The following SLCO5A1 variants were observed in gnomAD, a reference collection of about 807,000 sequenced individuals.
SLCO5A1 encodes solute carrier organic anion transporter family member 5A1, also known as organic anion transporter polypeptide-related protein 4.
A neutral mutation model predicts 65.1 loss-of-function variants in SLCO5A1; 39 were observed. The ratio of observed to expected loss-of-function variants is 0.60; its 90% CI spans 0.46 to 0.78. The LOEUF (loss-of-function observed/expected upper bound fraction) is 0.78, where lower values mean the gene tolerates loss of function less well. SLCO5A1 is among the 30% of genes least tolerant of loss of function. SLCO5A1 has a pLI of 0.00. For missense variants in SLCO5A1, 1,029 were observed against 1,069.4 expected (o/e 0.96, Z 0.53); for synonymous variants, 438 against 415.7 (o/e 1.05, Z -0.65).
intron 9 of SLCO5A1, among the ~76,000 whole-genome samples, chr8:69,675,243 C>G (rs187336785): frequency 1.3e-5 from 2 of 150,478 alleles, no homozygotes; most frequent in Admixed American, 1.3e-4. Context: ...GGCTCCATCT[C>G]GGCTCACTGC....
chr8:69,710,060 C>T (rs1051254841), intron 5 of SLCO5A1, among the ~76,000 whole-genome samples: 4 of 138,410 alleles, frequency 2.9e-5, no homozygotes, highest in Admixed American at 2.3e-4. Context: ...CTCTTGTCGC[C>T]CAGGCTAGAG....
At chr8:69,827,828 T>C (rs182074264) in intron 2 of SLCO5A1, among the ~76,000 whole-genome samples, 8 of 152,382 alleles carry the variant, frequency 5.2e-5, no homozygotes, top group Admixed American at 3.3e-4. Flanking sequence ...AGGTAGTCTA[T>C]CAAACCTACT....
intron 5 of SLCO5A1, among the ~76,000 whole-genome samples, chr8:69,734,057 G>A (rs1375028980): frequency 1.3e-5 from 2 of 152,166 alleles, no homozygotes; most frequent in Admixed American, 6.5e-5. Flanking sequence ...TACCAGAGGA[G>A]TGAAGTGGGG....
At chr8:69,795,406 G>A (rs909647000) in intron 2 of SLCO5A1, among the ~76,000 whole-genome samples, 1 of 152,136 alleles carries the variant, frequency 6.6e-6, no homozygotes, top group Non-Finnish European at 1.5e-5. Context: ...CAGCAAAAGG[G>A]GCTACAGACC....
At chr8:69,705,363 G>A in intron 5 of SLCO5A1, 134 bp from the exon 6 acceptor site, 1 of 703,418 alleles carries the variant, frequency 1.4e-6, no homozygotes, top group South Asian at 2.0e-5. Context: ...TTCATTGTGT[G>A]TGATTTTATA....
intron 2 of SLCO5A1, among the ~76,000 whole-genome samples, chr8:69,817,477 C>A (rs544180512): frequency 7.9e-4 from 121 of 152,290 alleles, no homozygotes; most frequent in Admixed American, 2.7e-3. Flanking sequence ...CAAGACTCTG[C>A]TTTCAATTAT....
intron 5 of SLCO5A1, among the ~76,000 whole-genome samples, chr8:69,709,388 T>C (rs2130814277): frequency 6.6e-6 from 1 of 152,352 alleles, no homozygotes; most frequent in African/African-American, 2.4e-5. Flanking sequence ...ATAATCAACT[T>C]AGCCCTGAAT....
At chr8:69,733,363 T>C (rs1455011588) in intron 5 of SLCO5A1, among the ~76,000 whole-genome samples, 4 of 152,228 alleles carry the variant, frequency 2.6e-5, no homozygotes, top group African/African-American at 9.6e-5. Flanking sequence ...ACAACAATGC[T>C]GACATAGAGA....
chr8:69,735,397 T>A (rs1262497263), intron 5 of SLCO5A1, among the ~76,000 whole-genome samples: 1 of 152,086 alleles, frequency 6.6e-6, no homozygotes, highest in Non-Finnish European at 1.5e-5. Context: ...TTATTTACAA[T>A]AGCAAAGACA....
intron 5 of SLCO5A1, among the ~76,000 whole-genome samples, chr8:69,708,108 G>A (rs1442335917): frequency 2.0e-5 from 3 of 152,186 alleles, no homozygotes; most frequent in South Asian, 4.1e-4. Flanking sequence ...TCATAAAAAG[G>A]TGAGTCCACA....
chr8:69,671,765 T>C lies in SLCO5A1; in HGVS notation c.*1104A>G, dbSNP rs1319493541. On this transcript the variant is annotated 3_prime_UTR_variant, in exon 10 of 10. Transcript: ENST00000260126. Reference sequence around the variant, plus strand: ...AATTTTCAACAATTACTTAAGATCATATTCTGTTCCAGAACACAGATCTCC... The same window carrying C: ...AATTTTCAACAATTACTTAAGATCACATTCTGTTCCAGAACACAGATCTCC... 2 of 152,242 alleles carry C rather than the reference T, an allele frequency of 1.3e-5. No individual in the cohort carries two copies. The highest frequency in any genetic ancestry group is 4.8e-5 in the African/African-American group (2 of 41,458). 9.4% of individuals were successfully genotyped at this position (152,242 alleles called of 1,614,324 possible). A position where few individuals can be genotyped will look rare whatever the true frequency, so the allele number is the denominator to read the frequency against.
intron 6 of SLCO5A1, among the ~76,000 whole-genome samples, chr8:69,701,187 T>C (rs943152251): frequency 7.2e-5 from 11 of 152,176 alleles, no homozygotes; most frequent in African/African-American, 2.7e-4. Context: ...GGAAACTGGA[T>C]GCAGATTCAA....
In SLCO5A1 at chr8:69,682,195, G is replaced by A; in HGVS notation, c.1771C>T (p.Leu591Phe). The part of the protein sequence containing the change: ...CLAGCVNSGN[L>F]STGIRNYTEC... ...TGAAATATACTCACCCCAGTGCTAAGATTACCACTATTAACACAGCCAGCC... is the reference window on the plus strand; with the variant it reads ...TGAAATATACTCACCCCAGTGCTAAAATTACCACTATTAACACAGCCAGCC... The change falls in exon 7 of 10, where the codon CTT becomes TTT. Residue 591 changes from leucine to phenylalanine, a missense_variant. Physicochemically the swap from Leu to Phe is conservative, Grantham distance 22. This residue lies in a region of SLCO5A1 where 124 missense variants were observed against 184.5 expected (regional missense o/e 0.67). Coordinates refer to ENST00000260126, the MANE Select transcript of SLCO5A1 (RefSeq NM_030958.3). 1 of 1,610,632 alleles carries A rather than the reference G, an allele frequency of 6.2e-7. No homozygotes were observed. The highest frequency in any genetic ancestry group is 8.5e-7 in the Non-Finnish European group (1 of 1,178,640).
At chr8:69,726,511 T>C (rs1353333778) in intron 5 of SLCO5A1, among the ~76,000 whole-genome samples, 1 of 148,760 alleles carries the variant, frequency 6.7e-6, no homozygotes, top group Non-Finnish European at 1.5e-5. Flanking sequence ...TTTTTTTTTT[T>C]TTTGGGGGGA....
At chr8:69,674,403 C>G (rs1813463873) in intron 9 of SLCO5A1, among the ~76,000 whole-genome samples, 1 of 152,108 alleles carries the variant, frequency 6.6e-6, no homozygotes, top group African/African-American at 2.4e-5. Context: ...ACCCAGGAAG[C>G]TGTGAGTGAT....
intron 6 of SLCO5A1, among the ~76,000 whole-genome samples, chr8:69,685,900 T>A (rs1053053929): frequency 6.6e-6 from 1 of 152,170 alleles, no homozygotes; most frequent in African/African-American, 2.4e-5. Context: ...GCAAGACAGA[T>A]GATTGTTAAA....
intron 2 of SLCO5A1, among the ~76,000 whole-genome samples, chr8:69,772,486 TG>T (rs2130874829): frequency 6.7e-6 from 1 of 148,978 alleles, no homozygotes; most frequent in Admixed American, 6.7e-5. Context: ...GAGCTATAAT[TG>T]CACCACTGTT....
chr8:69,727,132 C>T (rs1477555636), intron 5 of SLCO5A1, among the ~76,000 whole-genome samples: 1 of 152,104 alleles, frequency 6.6e-6, no homozygotes. Context: ...GGTGGGACCC[C>T]TCCGTGTTCT....
At position 69,682,229 on chromosome 8, in the gene SLCO5A1, G is replaced by T. The variant is rs1464452864; in HGVS notation, c.1737C>A (p.Asn579Lys). Residue 579 changes from asparagine (N) to lysine (K), a missense_variant, in exon 7 of 10, where the codon AAC becomes AAA. Physicochemically the swap from Asn to Lys is moderately conservative, Grantham distance 94 (BLOSUM62 0). Around this residue, in one of 3 missense-constraint regions of SLCO5A1, gnomAD observed 124 missense variants for 184.5 expected, o/e 0.67. Transcript: ENST00000260126. Reference protein sequence around the residue: ...VCGSDGITYFNPCLAGCVNSG... With the variant: ...VCGSDGITYFKPCLAGCVNSG... Reference sequence around the variant, plus strand: ...TATTAACACAGCCAGCCAGACAAGGGTTAAAGTATGTAATTCCATCTGATC... The same window carrying T: ...TATTAACACAGCCAGCCAGACAAGGTTTAAAGTATGTAATTCCATCTGATC... The T allele has an allele frequency of 8.7e-6, 14 of 1,612,972 alleles. No homozygotes were observed. Among genetic ancestry groups the T allele is most frequent in the Non-Finnish European group, 1.1e-5 (13 of 1,179,656 alleles).
Sources: gnomAD v4.1 joint callset for allele counts (sites outside exome capture counted in the v4.1 genomes callset) on GRCh38, gnomAD v4.1.1 for gene constraint, gnomAD v4.1.1 regional missense constraint, MANE v1.5 for transcripts, NCBI Gene and HGNC (gene_info 2026-07-23, HGNC 2026-07-21) for gene names.